Variants in ECE2 observed in about 807,000 individuals in gnomAD.
ECE2 encodes endothelin-converting enzyme 2.
Under a neutral mutation model 100.6 loss-of-function variants are expected in ECE2, and 81 were observed. That is an observed-to-expected ratio of 0.81 (90% confidence interval 0.67 to 0.97). ECE2 has a LOEUF of 0.97. Ranked by LOEUF, ECE2 falls within the 50% of genes least tolerant of loss-of-function variation. The pLI, the probability that ECE2 is intolerant of heterozygous loss-of-function variation, is 0.00. For missense variants in ECE2, 911 were observed against 988.1 expected, an observed-to-expected ratio of 0.92 and a Z score of 1.05; for synonymous variants, 391 against 391.5, an observed-to-expected ratio of 1.00 and a Z score of 0.02.
Position 184,290,603 on chromosome 3 carries a change from A to G in ECE2, c.1702A>G (p.Lys568Glu). 6.2e-7 allele frequency: 1 copy of G among 1,614,120 alleles called. No individual in the cohort carries two copies. The highest frequency in any genetic ancestry group is 1.3e-5 in the African/African-American group (1 of 75,028). The change falls in exon 15 of 19, where the codon AAG becomes GAG. Residue 568 changes from lysine to glutamate, a missense_variant. Coordinates refer to ENST00000404464, the MANE Select transcript of ECE2 (RefSeq NM_001100121.2). The part of the protein sequence containing the change: ...QTVNAYYLPT[K>E]NEIVFPAGIL... Reference sequence around the variant, plus strand: ...AGTGAATGCCTACTACCTTCCAACTAAGAATGAGATCGTCTTCCCCGCTGG... The same window carrying G: ...AGTGAATGCCTACTACCTTCCAACTGAGAATGAGATCGTCTTCCCCGCTGG...
At position 184,290,552 on chromosome 3, in the gene ECE2, G is replaced by T. The variant is rs768251624; in HGVS notation, c.1656-5G>T. 5 of 1,613,222 alleles carry T rather than the reference G, an allele frequency of 3.1e-6. No individual in the cohort carries two copies. Among genetic ancestry groups the T allele is most frequent in the Non-Finnish European group, 4.2e-6 (5 of 1,179,466 alleles). ...AGCCTCAGCCCCTCACTCTTCCTCC[G>T]CCAGGTGGAGCATGACCCCCCAGAC... is the stretch of plus-strand genomic sequence containing the variant. On this transcript the variant is annotated splice_region_variant and splice_polypyrimidine_tract_variant and intron_variant, in intron 14 of 18. Coordinates refer to ENST00000404464, the MANE Select transcript of ECE2 (RefSeq NM_001100121.2).
rs374094575 is a variant in ECE2, at chr3:184,290,391, G to C, written c.1655+33G>C. ...TGACGGGGTGGACATAGACACTAGG[G>C]GTGGCAGGAGAGGTGGGGGAAGGTT... On this transcript the variant is annotated intron_variant, in intron 14 of 18. Transcript: ENST00000404464. 3.7e-5 allele frequency: 59 copies of C among 1,604,666 alleles called. No individual in the cohort carries two copies. The African/African-American group carries it at 7.6e-4, about 21-fold the overall frequency.
chr3:184,285,124 G>A lies in ECE2; in HGVS notation c.1148+19G>A, dbSNP rs375443543. On this transcript the variant is annotated intron_variant, in intron 9 of 18. Coordinates refer to ENST00000404464, the MANE Select transcript of ECE2 (RefSeq NM_001100121.2). Reference sequence around the variant, plus strand: ...AACCAAGGTGTGGGGGTAGCCCAGGGTGAGGGTGGGTTCTGTGGAGGTCTC... The same window carrying A: ...AACCAAGGTGTGGGGGTAGCCCAGGATGAGGGTGGGTTCTGTGGAGGTCTC... 3.1e-6 allele frequency: 5 copies of A among 1,611,008 alleles called. No homozygotes were observed. Among genetic ancestry groups the A allele is most frequent in the Non-Finnish European group, 1.7e-6 (2 of 1,178,454 alleles).
At chr3:184,277,719 A>G (rs1720628668) in intron 4 of ECE2, among the ~76,000 whole-genome samples, 1 of 152,210 alleles carries the variant, frequency 6.6e-6, no homozygotes, top group Admixed American at 6.5e-5. Flanking sequence ...TGTGGTAGAC[A>G]CCAGGGAGCC....
At position 184,292,258 on chromosome 3, in the gene ECE2, T is replaced by C. The variant is rs1721366620; in HGVS notation, c.*20T>C. On this transcript the variant is annotated 3_prime_UTR_variant, in exon 19 of 19. Transcript: ENST00000404464. Reference sequence around the variant, plus strand: ...TGGTAGACCTGGATCAGGGGAGAAATGGCCAGCTGTCACCAGACCTGGGGC... The same window carrying C: ...TGGTAGACCTGGATCAGGGGAGAAACGGCCAGCTGTCACCAGACCTGGGGC... 1.2e-6 allele frequency: 2 copies of C among 1,612,796 alleles called. No individual in the cohort carries two copies. Among genetic ancestry groups the C allele is most frequent in the South Asian group, 1.1e-5 (1 of 91,056 alleles).
intron 10 of ECE2, among the ~76,000 whole-genome samples, chr3:184,286,873 A>G (rs1721081227): frequency 2.0e-5 from 3 of 150,356 alleles, no homozygotes; most frequent in African/African-American, 7.3e-5. Flanking sequence ...TGGGAGGCTG[A>G]GGTGGGTGGA....
Position 184,277,355 on chromosome 3 carries a change from T to C in ECE2, c.367T>C (p.Phe123Leu), listed in dbSNP as rs1560180797. 1 of 1,614,258 alleles carries C rather than the reference T, an allele frequency of 6.2e-7. No individual in the cohort carries two copies. Among genetic ancestry groups the C allele is most frequent in the South Asian group, 1.1e-5 (1 of 91,090 alleles). ...GAGCCCCTGTGAGGACTTTTACCAGTTCTCCTGTGGGGGCTGGATTCGGAG... is the reference window on the plus strand; with the variant it reads ...GAGCCCCTGTGAGGACTTTTACCAGCTCTCCTGTGGGGGCTGGATTCGGAG... ...GVSPCEDFYQ[F>L]SCGGWIRRNP... Residue 123 changes from phenylalanine to leucine, a missense_variant, in exon 4 of 19, where the codon TTC (phenylalanine) becomes CTC (leucine). By Grantham distance (22) the Phe-to-Leu change is conservative (BLOSUM62 0). Transcript: ENST00000404464.
At position 184,292,205 on chromosome 3, in the gene ECE2, C is replaced by G. The variant is rs376617168; in HGVS notation, c.2265C>G (p.Pro755=). 3.1e-6 allele frequency: 5 copies of G among 1,614,154 alleles called. No homozygotes were observed. In the African/African-American group the frequency reaches 4.0e-5, roughly 13 times the overall value. ...LRHFGCPVGS[P]MNPGQLCEVW ...ACTTCGGCTGCCCTGTCGGCTCCCC[C>G]ATGAACCCAGGGCAGCTGTGTGAGG... The change falls in exon 19 of 19, where the codon CCC becomes CCG. Residue 755 remains proline, a synonymous_variant. Transcript: ENST00000404464.
intron 10 of ECE2, among the ~76,000 whole-genome samples, chr3:184,286,963 A>AC (rs1215758810): frequency 6.6e-6 from 1 of 151,632 alleles, no homozygotes; most frequent in East Asian, 2.0e-4. Context: ...ACTTGAGTGG[A>AC]TGGGAAAGAT....
intron 10 of ECE2, 84 bp downstream of exon 10, chr3:184,285,676 C>G: frequency 9.7e-7 from 1 of 1,028,820 alleles, no homozygotes; most frequent in Non-Finnish European, 1.5e-6. Flanking sequence ...CCATGTGCCT[C>G]ATGGTGCACA....
At chr3:184,285,660 C>T in intron 10 of ECE2, 68 bp downstream of exon 10, 1 of 1,200,098 alleles carries the variant, frequency 8.3e-7, no homozygotes, top group Non-Finnish European at 1.2e-6. Flanking sequence ...TTCAGTGTGA[C>T]AGGCACCATG....
intron 5 of ECE2, 58 bp from the exon 6 acceptor site, chr3:184,278,109 G>T: frequency 6.2e-7 from 1 of 1,613,238 alleles, no homozygotes. Context: ...AGAGGAGATG[G>T]CCCAGGAACG....
In ECE2 at chr3:184,277,928, A is replaced by C. The variant is rs1015686908; in HGVS notation, c.482A>C (p.Asn161Thr). 14 of 1,611,784 alleles carry C rather than the reference A, an allele frequency of 8.7e-6. No homozygotes were observed. Among genetic ancestry groups the C allele is most frequent in the Non-Finnish European group, 1.2e-5 (14 of 1,179,964 alleles). Residue 161 changes from asparagine (N) to threonine (T), a missense_variant, in exon 5 of 19, where the codon AAC becomes ACC. Coordinates refer to ENST00000404464, the MANE Select transcript of ECE2 (RefSeq NM_001100121.2). ...NQAILKHLLENTTFNSSSEAE... is the reference protein window; with the variant it reads ...NQAILKHLLETTTFNSSSEAE... ...GATCCTGTGTTCTGCCCCACAGAAA[A>C]CACCACCTTCAACTCCAGCAGTGAA...
At chr3:184,279,431 G>A (rs946752964) in intron 7 of ECE2, among the ~76,000 whole-genome samples, 6 of 151,976 alleles carry the variant, frequency 3.9e-5, no homozygotes, top group African/African-American at 1.2e-4. Flanking sequence ...TGAGGCCGGC[G>A]GATCACTTGA....
Position 184,284,987 on chromosome 3 carries a change from C to T in ECE2, c.1030C>T (p.Leu344Phe). Residue 344 changes from leucine to phenylalanine, a missense_variant, in exon 9 of 19, where the codon CTT (leucine) becomes TTT (phenylalanine). Physicochemically the swap from Leu to Phe is conservative, Grantham distance 22 (BLOSUM62 0). Coordinates refer to ENST00000404464, the MANE Select transcript of ECE2 (RefSeq NM_001100121.2). Reference protein sequence around the residue: ...LQALAPSMDWLEFLSFLLSPL... With the variant: ...LQALAPSMDWFEFLSFLLSPL... ...GGCTCTGGCGCCCTCCATGGACTGG[C>T]TTGAGTTCCTGTCTTTCTTGCTGTC... The T allele has an allele frequency of 6.2e-7, 1 of 1,614,130 alleles. No individual in the cohort carries two copies. The highest frequency in any genetic ancestry group is 8.5e-7 in the Non-Finnish European group (1 of 1,179,996).
At chr3:184,278,636 G>A in intron 7 of ECE2, 79 bp downstream of exon 7, 2 of 1,523,432 alleles carry the variant, frequency 1.3e-6, no homozygotes, top group Non-Finnish European at 1.8e-6. Context: ...CCTTTGCCAA[G>A]GGTCAGAGCA....
In ECE2 at chr3:184,277,337, T is replaced by C; in HGVS notation, c.349T>C (p.Cys117Arg). The C allele has an allele frequency of 6.2e-7, 1 of 1,614,246 alleles. No individual in the cohort carries two copies. Among genetic ancestry groups the C allele is most frequent in the East Asian group, 2.2e-5 (1 of 44,878 alleles). Residue 117 changes from cysteine (C) to arginine (R), a missense_variant, in exon 4 of 19, where the codon TGT becomes CGT. Physicochemically the swap from Cys to Arg is radical, Grantham distance 180 (BLOSUM62 -3). Coordinates refer to ENST00000404464, the MANE Select transcript of ECE2 (RefSeq NM_001100121.2). ...LESLDRGVSP[C>R]EDFYQFSCGG... ...GTCCCTGGACCGAGGGGTGAGCCCC[T>C]GTGAGGACTTTTACCAGTTCTCCTG...
chr3:184,290,212 A>T (rs778989587), intron 13 of ECE2, 43 bp from the exon 14 acceptor site: 3 of 1,532,368 alleles, frequency 2.0e-6, no homozygotes, highest in Non-Finnish European at 2.7e-6. Context: ...ATCTTCTCCA[A>T]TGGATTCTCT....
Position 184,285,549 on chromosome 3 carries a change from C to T in ECE2, c.1220C>T (p.Ser407Phe). 2 of 1,614,186 alleles carry T rather than the reference C, an allele frequency of 1.2e-6. No homozygotes were observed. The highest frequency in any genetic ancestry group is 1.7e-6 in the Non-Finnish European group (2 of 1,180,036). The change falls in exon 10 of 19, where the codon TCT becomes TTT. Residue 407 changes from serine (S) to phenylalanine (F), a missense_variant. Ser to Phe is a radical substitution (Grantham distance 155). Coordinates refer to ENST00000404464, the MANE Select transcript of ECE2 (RefSeq NM_001100121.2). ...TTSSLDRRFE[S>F]AQEKLLETLY... ...TCAAGCCTGGACCGACGCTTTGAGT[C>T]TGCACAAGAGAAGCTGCTGGAGACC... is the stretch of plus-strand genomic sequence containing the variant.
Sources: gnomAD v4.1 joint callset for allele counts (sites outside exome capture counted in the v4.1 genomes callset) on GRCh38, gnomAD v4.1.1 for gene constraint, MANE v1.5 for transcripts, NCBI Gene and HGNC (gene_info 2026-07-23, HGNC 2026-07-21) for gene names.